The following FAR2 variants were observed in gnomAD, a reference collection of about 807,000 sequenced individuals.
FAR2 encodes fatty acyl-CoA reductase 2.
FAR2 carries 19 observed loss-of-function variants against 56.0 expected under a neutral mutation model. The observed-to-expected ratio is 0.34, with a 90% confidence interval of 0.24 to 0.50. FAR2 has a LOEUF of 0.50. FAR2 is among the 20% of genes least tolerant of loss of function. The probability of loss-of-function intolerance (pLI) is 0.98; values close to 1 mark genes in which losing one functional copy is unlikely to be tolerated. For missense variants in FAR2, 508 were observed against 642.2 expected (o/e 0.79, Z 2.26); for synonymous variants, 219 against 218.8 (o/e 1.00, Z -0.01).
At chr12:29,248,662 C>G (rs1033069083) in intron 1 of FAR2, among the ~76,000 whole-genome samples, 1 of 152,096 alleles carries the variant, frequency 6.6e-6, no homozygotes, top group Non-Finnish European at 1.5e-5. Flanking sequence ...CTGGTCTGAC[C>G]AAAATTATTA....
chr12:29,273,028 AC>A (rs1948644819), intron 2 of FAR2, among the ~76,000 whole-genome samples: 1 of 151,966 alleles, frequency 6.6e-6, no homozygotes. Context: ...TTCTCCTGGG[AC>A]CTCTGACCTC....
intron 1 of FAR2, among the ~76,000 whole-genome samples, chr12:29,240,348 C>A (rs983262647): frequency 6.6e-6 from 1 of 152,228 alleles, no homozygotes; most frequent in African/African-American, 2.4e-5. Flanking sequence ...TGCTTCCGTG[C>A]AATTCTTCCT....
At chr12:29,326,121 C>T (rs569507479) in intron 10 of FAR2, among the ~76,000 whole-genome samples, 112 of 152,220 alleles carry the variant, frequency 7.4e-4, no homozygotes, top group Non-Finnish European at 1.4e-3. Flanking sequence ...ATACTATAAA[C>T]ACCTCTATGC....
At position 29,266,993 on chromosome 12, in the gene FAR2, C is replaced by T. The variant is rs1948527424; in HGVS notation, c.-38-3419C>T. ...AGAACAAATGGGGTTGGGAAGTCAC[C>T]CTCTCCAAACTCAACTTTCCTTCTG... On this transcript the variant is annotated intron_variant, in intron 1 of 11. Transcript: ENST00000536681. Among the ~76,000 whole-genome samples the T allele has an allele frequency of 2.6e-5, 4 of 152,110 alleles. No homozygotes were observed. In the South Asian group the frequency reaches 8.3e-4, roughly 31 times the overall value.
At chr12:29,175,754 C>G (rs1318591956) in intron 1 of FAR2, among the ~76,000 whole-genome samples, 1 of 151,966 alleles carries the variant, frequency 6.6e-6, no homozygotes, top group Non-Finnish European at 1.5e-5. Flanking sequence ...GTTTACAATC[C>G]TTTAGCGAGA....
chr12:29,185,006 A>C (rs1950026933), intron 1 of FAR2, among the ~76,000 whole-genome samples: 2 of 152,202 alleles, frequency 1.3e-5, no homozygotes, highest in Non-Finnish European at 2.9e-5. Context: ...TCCTCTTAAT[A>C]AAATGGAAGT....
chr12:29,322,651 C>T (rs1206456257), intron 10 of FAR2, among the ~76,000 whole-genome samples: 1 of 152,180 alleles, frequency 6.6e-6, no homozygotes, highest in Non-Finnish European at 1.5e-5. Flanking sequence ...TTTTCTCAGT[C>T]ATGTATCCCG....
At position 29,232,294 on chromosome 12, in the gene FAR2, C is replaced by A. The variant is rs117101764; in HGVS notation, c.-38-38118C>A. 6.8e-3 allele frequency among the ~76,000 whole-genome samples: 1,039 copies of A among 152,312 alleles called. 5 individuals carry two copies. The highest frequency in any genetic ancestry group is 0.011 in the Non-Finnish European group (750 of 68,026). ...ACCCTGAAACAGCTTTATCCTGGTT[C>A]TTTCCTGTCTCACATCCTTTGCACC... On this transcript the variant is annotated intron_variant, in intron 1 of 11. Coordinates refer to ENST00000536681, the MANE Select transcript of FAR2 (RefSeq NM_001271783.2).
At chr12:29,207,606 CT>C (rs1947490988) in intron 1 of FAR2, among the ~76,000 whole-genome samples, 2 of 151,746 alleles carry the variant, frequency 1.3e-5, no homozygotes, top group South Asian at 4.2e-4. Context: ...TTTTTTTTCT[CT>C]TTTTCCCTTT....
At chr12:29,300,494 CTTTG>C (rs2136766515) in intron 4 of FAR2, among the ~76,000 whole-genome samples, 1 of 152,274 alleles carries the variant, frequency 6.6e-6, no homozygotes, top group South Asian at 2.1e-4. Context: ...TAGGAAAATA[CTTTG>C]TTTCTTTGAG....
chr12:29,247,198 T>A (rs898989195), intron 1 of FAR2, among the ~76,000 whole-genome samples: 1 of 152,190 alleles, frequency 6.6e-6, no homozygotes, highest in African/African-American at 2.4e-5. Flanking sequence ...TTAACTTTTT[T>A]AGGAAATGTA....
chr12:29,192,713 C>A (rs1166412480), intron 1 of FAR2, among the ~76,000 whole-genome samples: 2 of 152,158 alleles, frequency 1.3e-5, no homozygotes, highest in Non-Finnish European at 2.9e-5. Context: ...GCTCAACATT[C>A]CATAAAACAT....
At chr12:29,174,787 G>A (rs565458513) in intron 1 of FAR2, among the ~76,000 whole-genome samples, 12 of 152,262 alleles carry the variant, frequency 7.9e-5, no homozygotes, top group Middle Eastern at 3.4e-3. Flanking sequence ...TCTGACAGGC[G>A]TTAGGACCCA....
chr12:29,287,818 G>T (rs574106354), intron 2 of FAR2, among the ~76,000 whole-genome samples: 1 of 152,266 alleles, frequency 6.6e-6, no homozygotes, highest in East Asian at 1.9e-4. Context: ...ACAAAATGAG[G>T]TCATGTGGCT....
chr12:29,217,566 C>T (rs1168876051), intron 1 of FAR2, among the ~76,000 whole-genome samples: 2 of 152,182 alleles, frequency 1.3e-5, no homozygotes, highest in Non-Finnish European at 2.9e-5. Context: ...GGACACATCT[C>T]ATCCTAAAGA....
At chr12:29,277,371 A>G (rs1948717292) in intron 2 of FAR2, 1 of 152,240 alleles carries the variant, frequency 6.6e-6, no homozygotes, top group African/African-American at 2.4e-5. Flanking sequence ...ACACACAAAA[A>G]GAGTGAGAAA....
At chr12:29,263,938 A>T (rs1565494805) in intron 1 of FAR2, among the ~76,000 whole-genome samples, 2 of 152,104 alleles carry the variant, frequency 1.3e-5, no homozygotes, top group South Asian at 4.1e-4. Context: ...GGAGGAAGGA[A>T]TACTTCCAAA....
At chr12:29,187,782 T>G (rs1950057662) in intron 1 of FAR2, among the ~76,000 whole-genome samples, 1 of 152,238 alleles carries the variant, frequency 6.6e-6, no homozygotes, top group African/African-American at 2.4e-5. Context: ...AAGTCCAGAT[T>G]ATAAATATTT....
chr12:29,325,344 CA>C (rs1206808799), intron 10 of FAR2, among the ~76,000 whole-genome samples: 2 of 152,004 alleles, frequency 1.3e-5, no homozygotes, highest in Non-Finnish European at 2.9e-5. Flanking sequence ...AGATCAATGA[CA>C]CAGAAAGTTA....
Sources: allele counts gnomAD v4.1 joint callset (sites outside exome capture counted in the v4.1 genomes callset), GRCh38; gene constraint gnomAD v4.1.1; transcripts MANE v1.5; gene names NCBI Gene and HGNC (gene_info 2026-07-23, HGNC 2026-07-21).